SNTG1: variants seen among roughly 807,000 people sequenced by gnomAD.
SNTG1 encodes syntrophin gamma 1.
SNTG1 carries 39 observed loss-of-function variants against 74.7 expected under a neutral mutation model. That is an observed-to-expected ratio of 0.52 (90% CI 0.40 to 0.68). The LOEUF is 0.68. Ranked by LOEUF, SNTG1 falls within the 30% of genes least tolerant of loss-of-function variation. The probability of loss-of-function intolerance (pLI) is 0.00; values close to 1 mark genes in which losing one functional copy is unlikely to be tolerated. For missense variants in SNTG1, 685 were observed against 609.5 expected, an observed-to-expected ratio of 1.12 and a Z score of -1.30; for synonymous variants, 254 against 217.1, an observed-to-expected ratio of 1.17 and a Z score of -1.49.
chr8:50,104,814 C>T (rs1239914751), intron 1 of SNTG1, among the ~76,000 whole-genome samples: 3 of 151,650 alleles, frequency 2.0e-5, no homozygotes, highest in African/African-American at 7.3e-5. Context: ...CTTCATTTTG[C>T]TTCTGGCCAT....
intron 1 of SNTG1, among the ~76,000 whole-genome samples, chr8:50,066,655 T>C (rs1041653953): frequency 4.6e-5 from 7 of 152,228 alleles, no homozygotes; most frequent in African/African-American, 1.7e-4. Context: ...ATAATTCCTT[T>C]TCCATGTTCC....
intron 1 of SNTG1, among the ~76,000 whole-genome samples, chr8:50,080,322 A>G (rs996622480): frequency 6.6e-6 from 1 of 152,126 alleles, no homozygotes; most frequent in Admixed American, 6.5e-5. Context: ...ACCATATGCT[A>G]TCCTTTTAAT....
intron 1 of SNTG1, among the ~76,000 whole-genome samples, chr8:50,038,277 T>C (rs1410325211): frequency 6.6e-6 from 1 of 152,144 alleles, no homozygotes; most frequent in African/African-American, 2.4e-5. Context: ...GGTGGACTAA[T>C]CGTAGATGTG....
intron 15 of SNTG1, among the ~76,000 whole-genome samples, chr8:50,678,023 T>C (rs1164850123): frequency 6.6e-6 from 1 of 151,710 alleles, no homozygotes; most frequent in African/African-American, 2.4e-5. Flanking sequence ...GATCAATAGG[T>C]GCAGCAAACC....
chr8:50,420,121 T>C (rs2093063826), intron 4 of SNTG1, among the ~76,000 whole-genome samples: 1 of 152,042 alleles, frequency 6.6e-6, no homozygotes, highest in African/African-American at 2.4e-5. Flanking sequence ...TTAAAAAACA[T>C]AAAGGCTGAA....
At chr8:49,992,050 C>A (rs151209381) in intron 1 of SNTG1, among the ~76,000 whole-genome samples, 1 of 152,152 alleles carries the variant, frequency 6.6e-6, no homozygotes, top group African/African-American at 2.4e-5. Flanking sequence ...ACTGTTTCCA[C>A]GCCTCCCTTA....
intron 9 of SNTG1, among the ~76,000 whole-genome samples, chr8:50,528,648 T>A (rs1007572764): frequency 4.0e-5 from 6 of 151,852 alleles, no homozygotes; most frequent in African/African-American, 7.2e-5. Context: ...AGATTTTTTT[T>A]AATGTATTTG....
chr8:49,970,287 T>C (rs1307637947), intron 1 of SNTG1, among the ~76,000 whole-genome samples: 1 of 152,174 alleles, frequency 6.6e-6, no homozygotes, highest in Non-Finnish European at 1.5e-5. Flanking sequence ...TTATGCCCAC[T>C]GGGTAGTGCT....
intron 8 of SNTG1, among the ~76,000 whole-genome samples, chr8:50,457,636 A>G (rs151045434): frequency 6.6e-5 from 10 of 152,272 alleles, no homozygotes; most frequent in African/African-American, 2.4e-4. Flanking sequence ...TGGTAACTTT[A>G]TTTAAGAATA....
intron 11 of SNTG1, among the ~76,000 whole-genome samples, chr8:50,547,564 T>A (rs1437363472): frequency 3.3e-5 from 5 of 152,144 alleles, no homozygotes; most frequent in Non-Finnish European, 7.4e-5. Flanking sequence ...CAGTTTATTA[T>A]AACACACTTA....
intron 1 of SNTG1, among the ~76,000 whole-genome samples, chr8:50,139,409 G>A (rs2081585762): frequency 6.6e-6 from 1 of 152,176 alleles, no homozygotes; most frequent in African/African-American, 2.4e-5. Context: ...TGTAGTCTAA[G>A]AGTGTAAGCT....
In SNTG1 at chr8:50,435,741, C is replaced by T. The variant is rs559089727; in HGVS notation, c.163-2802C>T. 3.2e-4 allele frequency among the ~76,000 whole-genome samples: 48 copies of T among 152,282 alleles called. 2 individuals carry two copies. The South Asian group carries it at 9.5e-3, about 30-fold the overall frequency. On this transcript the variant is annotated intron_variant, in intron 4 of 18. Coordinates refer to ENST00000642720, the MANE Select transcript of SNTG1 (RefSeq NM_018967.5). ...ATCTGGAGACACTGGCTATAATTTG[C>T]ATGTTGTGTGTGTGCCCAGGTGTTT... is the stretch of plus-strand genomic sequence containing the variant.
chr8:50,168,881 C>A (rs754818343), intron 1 of SNTG1, among the ~76,000 whole-genome samples: 1 of 152,154 alleles, frequency 6.6e-6, no homozygotes, highest in Non-Finnish European at 1.5e-5. Context: ...ACTGCAGTAC[C>A]TGATTATGAA....
intron 18 of SNTG1, among the ~76,000 whole-genome samples, chr8:50,758,789 G>T (rs755289703): frequency 6.6e-6 from 1 of 151,998 alleles, no homozygotes; most frequent in Non-Finnish European, 1.5e-5. Flanking sequence ...ACATATGTGG[G>T]CATGTGTCTT....
intron 5 of SNTG1, among the ~76,000 whole-genome samples, chr8:50,448,247 G>A (rs1455630314): frequency 6.6e-6 from 1 of 151,652 alleles, no homozygotes; most frequent in Non-Finnish European, 1.5e-5. Flanking sequence ...GAGTAGGACA[G>A]TTTTCATTAC....
chr8:50,437,729 C>G (rs887946811), intron 4 of SNTG1, among the ~76,000 whole-genome samples: 1 of 152,252 alleles, frequency 6.6e-6, no homozygotes, highest in African/African-American at 2.4e-5. Flanking sequence ...ATGGAGCAAG[C>G]TATAAGTTAA....
chr8:50,473,877 A>G (rs543884828), intron 8 of SNTG1, among the ~76,000 whole-genome samples: 19 of 152,292 alleles, frequency 1.2e-4, no homozygotes, highest in East Asian at 9.6e-4. Context: ...AACTCATAGA[A>G]GCAGAAAATA....
At chr8:50,208,045 G>T (rs2131886436) in intron 2 of SNTG1, among the ~76,000 whole-genome samples, 1 of 152,280 alleles carries the variant, frequency 6.6e-6, no homozygotes, top group East Asian at 1.9e-4. Flanking sequence ...ATATTCTATT[G>T]GTTTGGGGTG....
chr8:50,106,122 GA>G (rs1416009995), intron 1 of SNTG1, among the ~76,000 whole-genome samples: 1 of 152,048 alleles, frequency 6.6e-6, no homozygotes, highest in Non-Finnish European at 1.5e-5. Context: ...AATCTATGAA[GA>G]AAAGAATTTA....
Sources: gnomAD v4.1 joint callset for allele counts (sites outside exome capture counted in the v4.1 genomes callset) on GRCh38, gnomAD v4.1.1 for gene constraint, MANE v1.5 for transcripts, NCBI Gene and HGNC (gene_info 2026-07-23, HGNC 2026-07-21) for gene names.